FGFR4: variants seen among roughly 807,000 people sequenced by gnomAD.
FGFR4 encodes fibroblast growth factor receptor 4.
A neutral mutation model predicts 89.9 loss-of-function variants in FGFR4; 63 were observed. The observed-to-expected ratio is 0.70, with a 90% CI of 0.57 to 0.86. The LOEUF (loss-of-function observed/expected upper bound fraction) is 0.86, where lower values mean the gene tolerates loss of function less well. Among genes scored for constraint, FGFR4 ranks in the 40% least tolerant of loss-of-function variants. The pLI, the probability that FGFR4 is intolerant of heterozygous loss-of-function variation, is 0.00. For missense variants in FGFR4, 928 were observed against 1,106.7 expected (o/e 0.84, Z 2.29); for synonymous variants, 486 against 479.4 (o/e 1.01, Z -0.18).
intron 7 of FGFR4, 34 bp from the exon 8 acceptor site, chr5:177,092,612 C>T: frequency 6.3e-7 from 1 of 1,584,344 alleles, no homozygotes; most frequent in Non-Finnish European, 8.6e-7. Flanking sequence ...GCCCCAGGCC[C>T]TGCTGTGACC....
chr5:177,092,920 T>G, intron 8 of FGFR4, 136 bp downstream of exon 8: 1 of 1,435,468 alleles, frequency 7.0e-7, no homozygotes, highest in African/African-American at 1.4e-5. Flanking sequence ...TTTGTGGGTT[T>G]GAGCTGTATG....
rs1479506840 is a variant in FGFR4 at position 177,093,536 on chromosome 5, A to C, written c.1382A>C (p.Glu461Ala). ...SLDLPLDPLWEFPRDRLVLGK... is the reference protein window; with the variant it reads ...SLDLPLDPLWAFPRDRLVLGK... ...GATCTACCTCTCGACCCACTATGGG[A>C]GTTCCCCCGGGACAGGTGCGCTGAG... Residue 461 changes from glutamate (E) to alanine (A), a missense_variant, in exon 10 of 18, where the codon GAG (glutamate) becomes GCG (alanine). Coordinates refer to ENST00000292408, the MANE Select transcript of FGFR4 (RefSeq NM_213647.3). The surrounding 1 kb of genome is among the most constrained non-coding windows in gnomAD (Gnocchi z 5.8). 6.2e-7 allele frequency: 1 copy of C among 1,613,630 alleles called. No individual in the cohort carries two copies.
chr5:177,093,296 G>A lies in FGFR4; in HGVS notation c.1216G>A (p.Val406Met), dbSNP rs758164892. Residue 406 changes from valine (V) to methionine (M), a missense_variant, in exon 9 of 18, where the codon GTG becomes ATG. Val to Met is a conservative substitution (Grantham distance 21, BLOSUM62 1). Around this residue, in one of 5 missense-constraint regions of FGFR4, gnomAD observed 741 missense variants for 836.9 expected, o/e 0.89. Transcript: ENST00000292408. The surrounding 1 kb of genome is among the most constrained non-coding windows in gnomAD (Gnocchi z 5.8). ...CCGGCACCCCCGCCCGCCCGCCACT[G>A]TGCAGAAGCTCTCCCGCTTCCCTCT... ...HGRHPRPPAT[V>M]QKLSRFPLAR... 11 of 1,613,092 alleles carry A rather than the reference G, an allele frequency of 6.8e-6. No homozygotes were observed. In the South Asian group the frequency reaches 1.2e-4, roughly 18 times the overall value.
chr5:177,092,894 G>T, intron 8 of FGFR4, 110 bp downstream of exon 8: 2 of 1,539,292 alleles, frequency 1.3e-6, no homozygotes, highest in Non-Finnish European at 8.9e-7. Flanking sequence ...GTCTGGCCTG[G>T]GGGGCAGTGT....
Position 177,095,410 on chromosome 5 carries a change from A to G in FGFR4, c.1600A>G (p.Ile534Val). 6.2e-7 allele frequency: 1 copy of G among 1,614,130 alleles called. No individual in the cohort carries two copies. Among genetic ancestry groups the G allele is most frequent in the African/African-American group, 1.3e-5 (1 of 75,044 alleles). The change falls in exon 12 of 18, where the codon ATC becomes GTC. Residue 534 changes from isoleucine (I) to valine (V), a missense_variant. Transcript: ENST00000292408. The surrounding 1 kb of genome is among the most constrained non-coding windows in gnomAD (Gnocchi z 5.7). ...MKLIGRHKNI[I>V]NLLGVCTQEG... is the part of the protein sequence containing the mutation. ...GCTGATCGGCCGACACAAGAACATC[A>G]TCAACCTGCTTGGTGTCTGCACCCA...
rs1490184528 is a variant in FGFR4, at chr5:177,093,858, G to T, written c.1519+83G>T. 6.8e-7 allele frequency: 1 copy of T among 1,472,604 alleles called. No homozygotes were observed. Among genetic ancestry groups the T allele is most frequent in the Non-Finnish European group, 9.2e-7 (1 of 1,091,188 alleles). 91.2% of individuals were successfully genotyped at this position (1,472,604 alleles called of 1,614,324 possible). A position where few individuals can be genotyped will look rare whatever the true frequency, so the allele number is the denominator to read the frequency against. On this transcript the variant is annotated intron_variant, in intron 11 of 17. Transcript: ENST00000292408. This position sits in a 1 kb window ranked among gnomAD's most constrained non-coding sequence, Gnocchi z 5.8. ...AGGGTGGGAGGATCGCTTGAATCCA[G>T]GAATTCGAGGCCAGCCTGGGCAACA...
Position 177,097,352 on chromosome 5 carries a change from G to T in FGFR4, c.2214G>T (p.Gln738His). ...AAPSQRPTFK[Q>H]LVEALDKVLL... ...CCTCCCAGAGGCCTACCTTCAAGCA[G>T]CTGGTGGAGGCGCTGGACAAGGTCC... Residue 738 changes from glutamine to histidine, a missense_variant, in exon 17 of 18, where the codon CAG (glutamine) becomes CAT (histidine). Around this residue, in one of 5 missense-constraint regions of FGFR4, gnomAD observed 129 missense variants for 150.8 expected, o/e 0.86. Coordinates refer to ENST00000292408, the MANE Select transcript of FGFR4 (RefSeq NM_213647.3). The T allele has an allele frequency of 6.2e-7, 1 of 1,612,262 alleles. No homozygotes were observed. Among genetic ancestry groups the T allele is most frequent in the South Asian group, 1.1e-5 (1 of 90,826 alleles).
chr5:177,088,048 TA>T (rs766893482), intron 1 of FGFR4, among the ~76,000 whole-genome samples: 11 of 152,238 alleles, frequency 7.2e-5, no homozygotes, highest in Middle Eastern at 6.8e-3. Context: ...TATTTTATTT[TA>T]TTTTTTTATT....
At position 177,093,428 on chromosome 5, in the gene FGFR4, C is replaced by T. The variant is rs749144190; in HGVS notation, c.1274C>T (p.Ser425Phe). The T allele has an allele frequency of 1.2e-6, 2 of 1,614,140 alleles. No individual in the cohort carries two copies. The highest frequency in any genetic ancestry group is 1.7e-6 in the Non-Finnish European group (2 of 1,179,978). Residue 425 changes from serine to phenylalanine, a missense_variant, in exon 10 of 18, where the codon TCC (serine) becomes TTC (phenylalanine). This residue lies in a region of FGFR4 where 741 missense variants were observed against 836.9 expected (regional missense o/e 0.89). Transcript: ENST00000292408. The surrounding 1 kb of genome is among the most constrained non-coding windows in gnomAD (Gnocchi z 5.8). Reference sequence around the variant, plus strand: ...CAGTTCTCCCTGGAGTCAGGCTCTTCCGGCAAGTCAAGCTCATCCCTGGTA... The same window carrying T: ...CAGTTCTCCCTGGAGTCAGGCTCTTTCGGCAAGTCAAGCTCATCCCTGGTA... ...ARQFSLESGS[S>F]GKSSSSLVRG...
rs1349499772 is a variant in FGFR4, at chr5:177,096,759, C to T, written c.2153+18C>T. On this transcript the variant is annotated intron_variant, in intron 16 of 17. Transcript: ENST00000292408. ...CCAGAGCTGTGAGGCCTCACCCTGC[C>T]CTCGACCCCACTTTCCAGTCCTCCT... 1.9e-6 allele frequency: 3 copies of T among 1,560,710 alleles called. No homozygotes were observed. The African/African-American group carries it at 4.1e-5, about 21-fold the overall frequency.
At chr5:177,088,151 C>T (rs1455028741) in intron 1 of FGFR4, 1 of 158,724 alleles carries the variant, frequency 6.3e-6, no homozygotes, top group African/African-American at 2.4e-5. Context: ...CTCCCGGGTT[C>T]GCGCCATTCT....
chr5:177,095,792 T>C lies in FGFR4; in HGVS notation c.1821+69T>C. 2 of 1,429,604 alleles carry C rather than the reference T, an allele frequency of 1.4e-6. No individual in the cohort carries two copies. The highest frequency in any genetic ancestry group is 1.9e-6 in the Non-Finnish European group (2 of 1,072,960). The allele number at this position is 1,429,604 out of a possible 1,614,324, so 88.6% of individuals were successfully genotyped here. A position where few individuals can be genotyped will look rare whatever the true frequency, so the allele number is the denominator to read the frequency against. On this transcript the variant is annotated intron_variant, in intron 13 of 17. Transcript: ENST00000292408. The surrounding 1 kb of genome is among the most constrained non-coding windows in gnomAD (Gnocchi z 5.7). ...CCACTCTCAGGCCTGTGGCATTCAA[T>C]GTCCCGACTTCTCCCTCTCTGCTCT... is the stretch of plus-strand genomic sequence containing the variant.
rs754320764 is a variant in FGFR4 at position 177,097,555 on chromosome 5, C to T, written c.2288C>T (p.Pro763Leu). ...EYLDLRLTFGPYSPSGGDASS... is the reference protein window; with the variant it reads ...EYLDLRLTFGLYSPSGGDASS... ...CTCGACCTCCGCCTGACCTTCGGAC[C>T]CTATTCCCCCTCTGGTGGGGACGCC... The change falls in exon 18 of 18, where the codon CCC becomes CTC. Residue 763 changes from proline to leucine, a missense_variant. Pro to Leu is a moderately conservative substitution (Grantham distance 98). Transcript: ENST00000292408. 1.1e-5 allele frequency: 18 copies of T among 1,613,878 alleles called. No individual in the cohort carries two copies. In the South Asian group the frequency reaches 2.0e-4, roughly 18 times the overall value.
rs933119595 is a variant in FGFR4, at chr5:177,097,947, C to T, written c.*271C>T. The T allele has an allele frequency of 2.6e-6, 1 of 382,428 alleles. No homozygotes were observed. Among genetic ancestry groups the T allele is most frequent in the African/African-American group, 2.0e-5 (1 of 49,636 alleles). 23.7% of individuals were successfully genotyped at this position (382,428 alleles called of 1,614,324 possible). On this transcript the variant is annotated 3_prime_UTR_variant, in exon 18 of 18. Transcript: ENST00000292408. ...TGGCTGGAGAGCTGCTATGCTAAAC[C>T]TCCTGCCTCCCAATACCAGCAGGAG...
In FGFR4 at chr5:177,093,721, A is replaced by C. The variant is rs1250936835; in HGVS notation, c.1465A>C (p.Met489Leu). Residue 489 changes from methionine to leucine, a missense_variant, in exon 11 of 18, where the codon ATG becomes CTG. Met to Leu is a conservative substitution (Grantham distance 15). Transcript: ENST00000292408. This position sits in a 1 kb window ranked among gnomAD's most constrained non-coding sequence, Gnocchi z 5.8. The stretch of plus-strand genomic sequence containing the variant: ...GGTAGTACGTGCAGAGGCCTTTGGC[A>C]TGGACCCTGCCCGGCCTGACCAAGC... ...GQVVRAEAFG[M>L]DPARPDQAST... 2 of 1,614,070 alleles carry C rather than the reference A, an allele frequency of 1.2e-6. No individual in the cohort carries two copies. Among genetic ancestry groups the C allele is most frequent in the Middle Eastern group, 1.7e-4 (1 of 5,968 alleles).
rs45526036 is a variant in FGFR4 at position 177,090,990 on chromosome 5, T to C, written c.489T>C (p.Pro163=). Residue 163 remains proline (P), a synonymous_variant, in exon 5 of 18, where the codon CCT becomes CCC. Transcript: ENST00000292408. ...TGGAGAAGAAACTGCATGCAGTACC[T>C]GCGGGGAACACCGTCAAGTTCCGCT... is the stretch of plus-strand genomic sequence containing the variant. The part of the protein sequence containing the change: ...QRMEKKLHAV[P]AGNTVKFRCP... The C allele has an allele frequency of 6.2e-4, 1,002 of 1,613,940 alleles. 8 individuals carry two copies. The African/African-American group carries it at 9.4e-3, about 15-fold the overall frequency.
At chr5:177,089,907 G>A in intron 2 of FGFR4, 1 of 747,088 alleles carries the variant, frequency 1.3e-6, no homozygotes, top group South Asian at 1.5e-5. Flanking sequence ...GCCTTGCAGG[G>A]CGCAGGGCCC....
rs1384623155 is a variant in FGFR4, at chr5:177,095,437, G to A, written c.1627G>A (p.Glu543Lys). 8.1e-6 allele frequency: 13 copies of A among 1,614,084 alleles called. No homozygotes were observed. Among genetic ancestry groups the A allele is most frequent in the Non-Finnish European group, 9.3e-6 (11 of 1,180,024 alleles). Residue 543 changes from glutamate to lysine, a missense_variant, in exon 12 of 18, where the codon GAA becomes AAA. Coordinates refer to ENST00000292408, the MANE Select transcript of FGFR4 (RefSeq NM_213647.3). This position sits in a 1 kb window ranked among gnomAD's most constrained non-coding sequence, Gnocchi z 5.7. ...IINLLGVCTQ[E>K]GPLYVIVECA... The stretch of plus-strand genomic sequence containing the variant: ...CAACCTGCTTGGTGTCTGCACCCAG[G>A]AAGGTGGGGCCGAGGCGGGGCTGGC...
chr5:177,093,228 T>C lies in FGFR4; in HGVS notation c.1148T>C (p.Leu383Pro), dbSNP rs1323140844. 1 of 1,612,630 alleles carries C rather than the reference T, an allele frequency of 6.2e-7. No individual in the cohort carries two copies. Among genetic ancestry groups the C allele is most frequent in the East Asian group, 2.2e-5 (1 of 44,800 alleles). Residue 383 changes from leucine to proline, a missense_variant, in exon 9 of 18, where the codon CTC becomes CCC. Physicochemically the swap from Leu to Pro is moderately conservative, Grantham distance 98. Transcript: ENST00000292408. The surrounding 1 kb of genome is among the most constrained non-coding windows in gnomAD (Gnocchi z 5.8). ...TCGGGCTCCCTGGCCTTGGCTGTGC[T>C]CCTGCTGCTGGCCGGGCTGTATCGA... ...YASGSLALAV[L>P]LLLAGLYRGQ...
Sources: allele counts gnomAD v4.1 joint callset (sites outside exome capture counted in the v4.1 genomes callset), GRCh38; gene constraint gnomAD v4.1.1; regional missense constraint gnomAD v4.1.1; non-coding constraint Gnocchi (gnomAD v3.1); transcripts MANE v1.5; gene names NCBI Gene and HGNC (gene_info 2026-07-23, HGNC 2026-07-21).